ORC2: variants seen among roughly 807,000 people sequenced by gnomAD.
ORC2 encodes origin recognition complex protein 2 homolog.
A neutral mutation model predicts 77.7 loss-of-function variants in ORC2; 37 were observed. The observed-to-expected ratio is 0.48, with a 90% CI of 0.37 to 0.63. The LOEUF is 0.63. Among genes scored for constraint, ORC2 ranks in the 20% least tolerant of loss-of-function variants. The probability of loss-of-function intolerance (pLI) is 0.00; values close to 1 mark genes in which losing one functional copy is unlikely to be tolerated. For missense variants in ORC2, 557 were observed against 661.9 expected (o/e 0.84, Z 1.74); for synonymous variants, 201 against 229.5 (o/e 0.88, Z 1.12).
At chr2:200,953,014 A>C (rs1174160801) in intron 4 of ORC2, among the ~76,000 whole-genome samples, 2 of 146,870 alleles carry the variant, frequency 1.4e-5, no homozygotes, top group African/African-American at 5.0e-5. Context: ...CAGGAGGCTT[A>C]GGTGGGAGGA....
intron 13 of ORC2, among the ~76,000 whole-genome samples, chr2:200,924,224 G>A (rs961635482): frequency 1.3e-5 from 2 of 152,102 alleles, no homozygotes; most frequent in Admixed American, 6.6e-5. Context: ...ATATGTGCCT[G>A]TAGTCCCAGC....
intron 11 of ORC2, among the ~76,000 whole-genome samples, chr2:200,929,802 A>G (rs2124971106): frequency 1.3e-5 from 2 of 152,190 alleles, no homozygotes; most frequent in South Asian, 4.2e-4. Context: ...AAAAGAAAAA[A>G]AAAAAAGAAT....
chr2:200,940,612 G>A (rs556795582), intron 7 of ORC2, among the ~76,000 whole-genome samples: 1 of 152,116 alleles, frequency 6.6e-6, no homozygotes, highest in Admixed American at 6.6e-5. Context: ...GACCGGCCTG[G>A]CCAACATGGT....
At chr2:200,921,343 C>G in intron 13 of ORC2, 1 of 297,772 alleles carries the variant, frequency 3.4e-6, no homozygotes, top group Non-Finnish European at 6.1e-6. Flanking sequence ...TTGGTAGAGA[C>G]GGGGTCTCAC....
chr2:200,913,162 C>A, intron 17 of ORC2, 133 bp downstream of exon 17: 1 of 566,854 alleles, frequency 1.8e-6, no homozygotes, highest in Admixed American at 3.0e-5. Flanking sequence ...AATGGCACAT[C>A]CCCTAAATGA....
At chr2:200,952,900 C>T (rs1020769161) in intron 4 of ORC2, among the ~76,000 whole-genome samples, 1 of 151,552 alleles carries the variant, frequency 6.6e-6, no homozygotes. Context: ...TCACTTGAGC[C>T]TAGGGGTTTG....
At chr2:200,935,474 C>T (rs1205588115) in intron 9 of ORC2, among the ~76,000 whole-genome samples, 1 of 152,186 alleles carries the variant, frequency 6.6e-6, no homozygotes, top group East Asian at 1.9e-4. Context: ...TTAGCATATA[C>T]TATTTAGCAT....
chr2:200,941,495 TA>T (rs762042280), intron 6 of ORC2, among the ~76,000 whole-genome samples: 9,392 of 104,942 alleles, frequency 0.089, 380 homozygotes, highest in African/African-American at 0.17. Context: ...AATTAAAAAT[TA>T]AAAAAAAAAA....
intron 7 of ORC2, among the ~76,000 whole-genome samples, 161 bp from the exon 8 acceptor site, chr2:200,938,127 C>T (rs1014574191): frequency 6.6e-6 from 1 of 152,156 alleles, no homozygotes; most frequent in Non-Finnish European, 1.5e-5. Flanking sequence ...CAAATGGGTT[C>T]AAACCATTCT....
intron 11 of ORC2, among the ~76,000 whole-genome samples, chr2:200,927,942 C>G (rs1317025217): frequency 6.6e-6 from 1 of 151,652 alleles, no homozygotes; most frequent in Non-Finnish European, 1.5e-5. Context: ...CCTGCCTTAG[C>G]CTCTCAAAGT....
chr2:200,921,355 A>G (rs2040758446), intron 13 of ORC2: 1 of 280,574 alleles, frequency 3.6e-6, no homozygotes, highest in Non-Finnish European at 6.6e-6. Flanking sequence ...GGGTCTCACT[A>G]AGTTGCCCAG....
intron 16 of ORC2, chr2:200,913,694 CA>C: frequency 7.4e-7 from 1 of 1,347,250 alleles, no homozygotes; most frequent in Non-Finnish European, 9.5e-7. Flanking sequence ...CCATAGTTAG[CA>C]CAGAAAATTT....
chr2:200,960,117 A>C (rs1177142775), intron 1 of ORC2, among the ~76,000 whole-genome samples: 1 of 151,954 alleles, frequency 6.6e-6, no homozygotes, highest in Non-Finnish European at 1.5e-5. Context: ...AGCTGGGACT[A>C]CTAGCTTCTG....
At chr2:200,929,951 A>T (rs562945612) in intron 11 of ORC2, among the ~76,000 whole-genome samples, 1 of 152,266 alleles carries the variant, frequency 6.6e-6, no homozygotes, top group South Asian at 2.1e-4. Flanking sequence ...TATTTACAGG[A>T]CACCCAAGTA....
At chr2:200,919,260 T>G (rs1455636606) in intron 15 of ORC2, among the ~76,000 whole-genome samples, 1 of 152,266 alleles carries the variant, frequency 6.6e-6, no homozygotes, top group Non-Finnish European at 1.5e-5. Flanking sequence ...TTGTTATTTT[T>G]CAACACTTCA....
At chr2:200,962,201 C>G (rs1481081218) in intron 1 of ORC2, among the ~76,000 whole-genome samples, 1 of 152,186 alleles carries the variant, frequency 6.6e-6, no homozygotes, top group East Asian at 1.9e-4. Flanking sequence ...AACAAAAAAA[C>G]CTAACAATCA....
chr2:200,912,940 T>C lies in ORC2; in HGVS notation c.1647+355A>G, dbSNP rs1290745279. On this transcript the variant is annotated intron_variant, in intron 17 of 17. Transcript: ENST00000234296. Reference sequence around the variant, plus strand: ...GAAAAGCAATCAGATTTTTGCTTACTACTGTATCCTAATACTTAGTGCAAT... The same window carrying C: ...GAAAAGCAATCAGATTTTTGCTTACCACTGTATCCTAATACTTAGTGCAAT... Among the ~76,000 whole-genome samples, 3 of 152,262 alleles carry C rather than the reference T, an allele frequency of 2.0e-5. No homozygotes were observed. The East Asian group carries it at 5.8e-4, about 29-fold the overall frequency.
At chr2:200,935,979 A>G (rs962382081) in intron 8 of ORC2, 87 bp from the exon 9 acceptor site, 3 of 1,077,478 alleles carry the variant, frequency 2.8e-6, no homozygotes, top group Admixed American at 5.5e-5. Context: ...GGGGCTCTGT[A>G]GTAAGAGTCT....
At chr2:200,927,700 T>A (rs2040865069) in intron 11 of ORC2, among the ~76,000 whole-genome samples, 1 of 149,482 alleles carries the variant, frequency 6.7e-6, no homozygotes, top group Non-Finnish European at 1.5e-5. Context: ...TAAAAAAAAA[T>A]TAACTAATTA....
Sources: gnomAD v4.1 joint callset for allele counts (sites outside exome capture counted in the v4.1 genomes callset) on GRCh38, gnomAD v4.1.1 for gene constraint, MANE v1.5 for transcripts, NCBI Gene and HGNC (gene_info 2026-07-23, HGNC 2026-07-21) for gene names.